The following CHL1 variants were observed in gnomAD, a reference collection of about 807,000 sequenced individuals.
CHL1 encodes the protein neural cell adhesion molecule L1-like protein.
CHL1 carries 96 observed loss-of-function variants against 141.9 expected under a neutral mutation model. The ratio of observed to expected loss-of-function variants is 0.68; its 90% CI spans 0.57 to 0.80. The LOEUF (loss-of-function observed/expected upper bound fraction) is 0.80. CHL1 is among the 30% of genes least tolerant of loss of function. The pLI is 0.00. For missense variants in CHL1, 1,820 were observed against 1,457.2 expected (o/e 1.25, Z -4.05); for synonymous variants, 613 against 502.2 (o/e 1.22, Z -2.95).
In CHL1 at chr3:319,995, C is replaced by T. The variant is rs1229088254; in HGVS notation, c.91+128C>T. Reference sequence around the variant, plus strand: ...TTCTATATATTCTTTAGCAATCTGTCATGAGAATTCATATCTATCTTTTTC... The same window carrying T: ...TTCTATATATTCTTTAGCAATCTGTTATGAGAATTCATATCTATCTTTTTC... On this transcript the variant is annotated intron_variant, in intron 3 of 27. Coordinates refer to ENST00000256509, the MANE Select transcript of CHL1 (RefSeq NM_006614.4). 5.1e-6 allele frequency: 3 copies of T among 583,290 alleles called. No homozygotes were observed. The East Asian group carries it at 9.0e-5, about 17-fold the overall frequency. 36.1% of individuals were successfully genotyped at this position (583,290 alleles called of 1,614,324 possible).
At chr3:371,195 C>T (rs181384508) in intron 15 of CHL1, among the ~76,000 whole-genome samples, 5 of 152,120 alleles carry the variant, frequency 3.3e-5, no homozygotes, top group African/African-American at 1.2e-4. Flanking sequence ...CTAATATTGA[C>T]AGTGGGTTGT....
intron 2 of CHL1, among the ~76,000 whole-genome samples, chr3:257,566 T>A (rs988382054): frequency 6.6e-6 from 1 of 152,132 alleles, no homozygotes; most frequent in Non-Finnish European, 1.5e-5. Context: ...CTGACCAGGC[T>A]GGTCTCAAAT....
chr3:213,698 G>A (rs1170960437), intron 1 of CHL1: 5 of 152,166 alleles, frequency 3.3e-5, no homozygotes, highest in Non-Finnish European at 7.4e-5. Flanking sequence ...TCCAGCTTGT[G>A]CACTGTTAAA....
chr3:223,332 G>T (rs1196216418), intron 1 of CHL1, among the ~76,000 whole-genome samples: 2 of 152,086 alleles, frequency 1.3e-5, no homozygotes, highest in African/African-American at 4.8e-5. Flanking sequence ...AATATTAGAA[G>T]ATAAACATCC....
chr3:311,894 G>A (rs997394701), intron 2 of CHL1, among the ~76,000 whole-genome samples: 9 of 152,116 alleles, frequency 5.9e-5, no homozygotes, highest in South Asian at 4.1e-4. Context: ...ATAACTTAAT[G>A]TTGGGATTAT....
At chr3:365,346 T>C (rs982939207) in intron 14 of CHL1, among the ~76,000 whole-genome samples, 8 of 152,206 alleles carry the variant, frequency 5.3e-5, no homozygotes, top group African/African-American at 1.9e-4. Context: ...TTTCAAACTA[T>C]CACTCCCTGT....
chr3:278,935 C>T (rs541212783), intron 2 of CHL1, among the ~76,000 whole-genome samples: 1 of 152,124 alleles, frequency 6.6e-6, no homozygotes, highest in Non-Finnish European at 1.5e-5. Context: ...TGTGAGTTTG[C>T]CCTTGCCTTT....
chr3:201,212 T>G (rs1409812960), intron 1 of CHL1, among the ~76,000 whole-genome samples: 1 of 152,228 alleles, frequency 6.6e-6, no homozygotes, highest in Admixed American at 6.5e-5. Context: ...TTCTGCCATT[T>G]CTGGTATATT....
chr3:365,027 T>C (rs1207224468), intron 14 of CHL1, among the ~76,000 whole-genome samples: 1 of 152,212 alleles, frequency 6.6e-6, no homozygotes, highest in African/African-American at 2.4e-5. Context: ...AATAGTCTCT[T>C]CAAGTTTTGT....
rs551035440 is a variant in CHL1 at position 200,237 on chromosome 3, A to G, written c.-175+3174A>G. On this transcript the variant is annotated intron_variant, in intron 1 of 27. Transcript: ENST00000256509. The stretch of plus-strand genomic sequence containing the variant: ...TAAAATTAGCTTTTCACCATTTTCT[A>G]TTTTCCCTAAAAATCTAGCAGCAAT... 5.1e-4 allele frequency among the ~76,000 whole-genome samples: 77 copies of G among 152,276 alleles called. No homozygotes were observed. The South Asian group carries it at 0.015, about 30-fold the overall frequency.
chr3:225,855 A>C (rs1701283445), intron 1 of CHL1, among the ~76,000 whole-genome samples: 1 of 151,908 alleles, frequency 6.6e-6, no homozygotes. Context: ...TAAAAATTCA[A>C]AAAATTAGCC....
intron 1 of CHL1, among the ~76,000 whole-genome samples, chr3:231,553 T>A (rs538614836): frequency 1.8e-4 from 27 of 150,760 alleles, no homozygotes; most frequent in Non-Finnish European, 3.7e-4. Context: ...TGGGAGTACA[T>A]GTTTTAAAAC....
Position 322,838 on chromosome 3 carries a change from C to T in CHL1, c.91+2971C>T, listed in dbSNP as rs542557873. On this transcript the variant is annotated intron_variant, in intron 3 of 27. Coordinates refer to ENST00000256509, the MANE Select transcript of CHL1 (RefSeq NM_006614.4). ...CAGCCTGGCACTGGCATCAAATTTA[C>T]TGGTAGTCAGGTGATATTTAATGTC... Among the ~76,000 whole-genome samples, 290 of 151,026 alleles carry T rather than the reference C, an allele frequency of 1.9e-3. 2 individuals carry two copies. The highest frequency in any genetic ancestry group is 3.5e-3 in the Non-Finnish European group (237 of 67,730).
At chr3:311,779 G>A (rs576484276) in intron 2 of CHL1, among the ~76,000 whole-genome samples, 1 of 152,270 alleles carries the variant, frequency 6.6e-6, no homozygotes, top group South Asian at 2.1e-4. Context: ...GTACACTTAA[G>A]TTTTGTGCAT....
rs577753235 is a variant in CHL1 at position 263,983 on chromosome 3, C to T, written c.-95+19291C>T. On this transcript the variant is annotated intron_variant, in intron 2 of 27. Coordinates refer to ENST00000256509, the MANE Select transcript of CHL1 (RefSeq NM_006614.4). ...TTTCCAGTGATCTGCTTATCTAAGA[C>T]GGATAGTATTGATGGACTGCACTAT... is the stretch of plus-strand genomic sequence containing the variant. Among the ~76,000 whole-genome samples the T allele has an allele frequency of 1.2e-4, 19 of 152,314 alleles. 1 individual carries two copies. Among genetic ancestry groups the T allele is most frequent in the East Asian group, 7.7e-4 (4 of 5,184 alleles).
chr3:347,018 A>G (rs771966495), intron 9 of CHL1, among the ~76,000 whole-genome samples: 3 of 152,162 alleles, frequency 2.0e-5, no homozygotes, highest in African/African-American at 7.2e-5. Flanking sequence ...TCTTGGCAAG[A>G]ATTTCCAGCT....
chr3:371,383 C>T (rs572680083), intron 15 of CHL1, among the ~76,000 whole-genome samples: 1 of 152,226 alleles, frequency 6.6e-6, no homozygotes, highest in South Asian at 2.1e-4. Flanking sequence ...CTTTTCTGAT[C>T]TTTGTTGGTT....
chr3:279,869 A>C (rs563530690), intron 2 of CHL1, among the ~76,000 whole-genome samples: 1 of 152,312 alleles, frequency 6.6e-6, no homozygotes, highest in South Asian at 2.1e-4. Context: ...TGCTGAGACA[A>C]GGGATAAAAT....
rs145504852 is a variant in CHL1, at chr3:391,015, A to G, written c.2647A>G (p.Ile883Val). The G allele has an allele frequency of 3.2e-4, 524 of 1,614,220 alleles. 1 individual carries two copies. The highest frequency in any genetic ancestry group is 4.4e-4 in the Non-Finnish European group (517 of 1,179,996). The change falls in exon 22 of 28, where the codon ATT (isoleucine) becomes GTT (valine). Residue 883 changes from isoleucine (I) to valine (V), a missense_variant. Physicochemically the swap from Ile to Val is conservative, Grantham distance 29. Transcript: ENST00000256509. ...AAGAACACATCCCAAAGAAGTGAAC[A>G]TTCTAAGATTTTCAGGACAAAGAAA... ...DGRTHPKEVN[I>V]LRFSGQRNSG...
Sources: gnomAD v4.1 joint callset for allele counts (sites outside exome capture counted in the v4.1 genomes callset) on GRCh38, gnomAD v4.1.1 for gene constraint, MANE v1.5 for transcripts, NCBI Gene and HGNC (gene_info 2026-07-23, HGNC 2026-07-21) for gene names.